Variants in AGTR1 observed in about 807,000 individuals in gnomAD.
The protein encoded by AGTR1 is type-1 angiotensin II receptor.
In AGTR1, 16 loss-of-function variants were observed where a neutral mutation model predicts 19.4. That is an observed-to-expected ratio of 0.82 (90% CI 0.56 to 1.25). The LOEUF is 1.25. Ranked by LOEUF, AGTR1 falls within the 50% of genes most tolerant of loss-of-function variation. The pLI, the probability that AGTR1 is intolerant of heterozygous loss-of-function variation, is 0.00. For missense variants in AGTR1, 373 were observed against 431.9 expected (o/e 0.86, Z 1.21); for synonymous variants, 153 against 154.9 (o/e 0.99, Z 0.09).
chr3:148,725,347 T>A (rs992064050), intron 2 of AGTR1, among the ~76,000 whole-genome samples: 1 of 152,200 alleles, frequency 6.6e-6, no homozygotes, highest in Non-Finnish European at 1.5e-5. Flanking sequence ...TTCTTTAAAT[T>A]GCTTTATGGG....
rs1477353415 is a variant in AGTR1, at chr3:148,742,114, G to A, written c.1079G>A (p.Ter360=). 4 of 1,613,978 alleles carry A rather than the reference G, an allele frequency of 2.5e-6. No homozygotes were observed. Among genetic ancestry groups the A allele is most frequent in the Non-Finnish European group, 3.4e-6 (4 of 1,179,988 alleles). ...CCTGCACCATGTTTTGAGGTTGAGT[G>A]ACATGTTCGAAACCTGTCCATAAAG... The part of the protein sequence containing the change: ...KKPAPCFEVE[*] Residue 360 remains the stop codon, a stop_retained_variant, in exon 3 of 3, where the codon TGA becomes TAA. Coordinates refer to ENST00000349243, the MANE Select transcript of AGTR1 (RefSeq NM_000685.5).
intron 2 of AGTR1, among the ~76,000 whole-genome samples, chr3:148,737,702 ATTC>A (rs1288066840): frequency 6.6e-6 from 1 of 152,050 alleles, no homozygotes; most frequent in East Asian, 1.9e-4. Context: ...ATCGCCTAAA[ATTC>A]TTCTCCCTTT....
Position 148,741,159 on chromosome 3 carries a change from G to A in AGTR1, c.124G>A (p.Gly42Arg), listed in dbSNP as rs374930715. 3 of 1,614,092 alleles carry A rather than the reference G, an allele frequency of 1.9e-6. No individual in the cohort carries two copies. Among genetic ancestry groups the A allele is most frequent in the Non-Finnish European group, 2.5e-6 (3 of 1,180,006 alleles). Residue 42 changes from glycine to arginine, a missense_variant, in exon 3 of 3, where the codon GGA becomes AGA. Physicochemically the swap from Gly to Arg is moderately radical, Grantham distance 125. Coordinates refer to ENST00000349243, the MANE Select transcript of AGTR1 (RefSeq NM_000685.5). Reference protein sequence around the residue: ...PTLYSIIFVVGIFGNSLVVIV... With the variant: ...PTLYSIIFVVRIFGNSLVVIV... Reference sequence around the variant, plus strand: ...TTTATACAGTATCATCTTTGTGGTGGGAATATTTGGAAACAGCTTGGTGGT... The same window carrying A: ...TTTATACAGTATCATCTTTGTGGTGAGAATATTTGGAAACAGCTTGGTGGT...
At chr3:148,740,316 G>T (rs1420684652) in intron 2 of AGTR1, among the ~76,000 whole-genome samples, 2 of 152,202 alleles carry the variant, frequency 1.3e-5, no homozygotes. Flanking sequence ...ACTTTTGCTA[G>T]ACTGAATTGG....
At chr3:148,722,974 C>T (rs367727527) in intron 2 of AGTR1, among the ~76,000 whole-genome samples, 4 of 152,168 alleles carry the variant, frequency 2.6e-5, no homozygotes, top group African/African-American at 9.7e-5. Flanking sequence ...GAAATATGCT[C>T]ATGAGAATTA....
chr3:148,729,417 A>G (rs1439475179), intron 2 of AGTR1, among the ~76,000 whole-genome samples: 2 of 152,234 alleles, frequency 1.3e-5, no homozygotes, highest in Non-Finnish European at 2.9e-5. Context: ...AACAACCAGA[A>G]GGCAAAAACT....
At chr3:148,706,170 T>G (rs911381891) in intron 1 of AGTR1, among the ~76,000 whole-genome samples, 1 of 152,042 alleles carries the variant, frequency 6.6e-6, no homozygotes, top group Non-Finnish European at 1.5e-5. Flanking sequence ...CAACTACTAT[T>G]AACTCTCTGG....
At chr3:148,739,202 T>TA (rs1207109166) in intron 2 of AGTR1, among the ~76,000 whole-genome samples, 1 of 151,802 alleles carries the variant, frequency 6.6e-6, no homozygotes, top group African/African-American at 2.4e-5. Context: ...CTACTAAAAA[T>TA]AAAAAAATTA....
intron 1 of AGTR1, among the ~76,000 whole-genome samples, chr3:148,701,358 A>C (rs1244129550): frequency 4.6e-5 from 7 of 152,204 alleles, no homozygotes; most frequent in Non-Finnish European, 8.8e-5. Context: ...AATATTTGCT[A>C]TGGGATTTTT....
Position 148,714,412 on chromosome 3 carries a change from G to A in AGTR1, c.-48+6385G>A, listed in dbSNP as rs184491084. On this transcript the variant is annotated intron_variant, in intron 2 of 2. Coordinates refer to ENST00000349243, the MANE Select transcript of AGTR1 (RefSeq NM_000685.5). ...CTGGGAGAAGATCGCTCCAGGCAGA[G>A]GGTAGAGCAAATGCAAATTCCTTGA... 3.4e-4 allele frequency among the ~76,000 whole-genome samples: 51 copies of A among 152,220 alleles called. No individual in the cohort carries two copies. In the East Asian group the frequency reaches 6.6e-3, roughly 20 times the overall value.
At chr3:148,717,912 C>T (rs780298933) in intron 2 of AGTR1, among the ~76,000 whole-genome samples, 1 of 152,182 alleles carries the variant, frequency 6.6e-6, no homozygotes, top group Non-Finnish European at 1.5e-5. Context: ...CTATATAAAA[C>T]ACTAGGCAAT....
intron 2 of AGTR1, among the ~76,000 whole-genome samples, chr3:148,738,215 A>G (rs931430946): frequency 6.6e-6 from 1 of 152,084 alleles, no homozygotes; most frequent in African/African-American, 2.4e-5. Flanking sequence ...CACCCAAGGG[A>G]TTCTAGAGCG....
At chr3:148,703,779 T>A (rs2107926036) in intron 1 of AGTR1, among the ~76,000 whole-genome samples, 1 of 152,204 alleles carries the variant, frequency 6.6e-6, no homozygotes, top group South Asian at 2.1e-4. Flanking sequence ...TATTTGAAAA[T>A]TTATTTAAAG....
Position 148,741,048 on chromosome 3 carries a change from T to C in AGTR1, c.13T>C (p.Ser5Pro). MILN[S>P]STEDGIKRIQ... ...CCAGGTGATCAAAATGATTCTCAACTCTTCTACTGAAGATGGTATTAAAAG... is the reference window on the plus strand; with the variant it reads ...CCAGGTGATCAAAATGATTCTCAACCCTTCTACTGAAGATGGTATTAAAAG... Residue 5 changes from serine to proline, a missense_variant, in exon 3 of 3, where the codon TCT (serine) becomes CCT (proline). Transcript: ENST00000349243. 1.2e-6 allele frequency: 2 copies of C among 1,613,832 alleles called. No homozygotes were observed. Among genetic ancestry groups the C allele is most frequent in the Non-Finnish European group, 1.7e-6 (2 of 1,179,796 alleles).
chr3:148,721,229 G>A (rs947139694), intron 2 of AGTR1, among the ~76,000 whole-genome samples: 1 of 152,142 alleles, frequency 6.6e-6, no homozygotes, highest in African/African-American at 2.4e-5. Context: ...TTTGGTAAAA[G>A]CCCACTCTCA....
intron 2 of AGTR1, among the ~76,000 whole-genome samples, chr3:148,714,287 A>G (rs988173068): frequency 2.0e-5 from 3 of 152,172 alleles, no homozygotes; most frequent in Non-Finnish European, 4.4e-5. Flanking sequence ...AATATGTTGG[A>G]TGGCATGGAA....
intron 2 of AGTR1, among the ~76,000 whole-genome samples, chr3:148,719,068 T>C (rs145992142): frequency 2.0e-5 from 3 of 152,342 alleles, no homozygotes; most frequent in African/African-American, 7.2e-5. Context: ...CCTGGTGTTA[T>C]GTCTTGAGAT....
intron 2 of AGTR1, among the ~76,000 whole-genome samples, chr3:148,737,077 C>T (rs974337277): frequency 6.6e-6 from 1 of 152,168 alleles, no homozygotes; most frequent in Admixed American, 6.5e-5. Context: ...AAAGTAACTG[C>T]CAATCACAAA....
chr3:148,718,313 A>G (rs1164249308), intron 2 of AGTR1, among the ~76,000 whole-genome samples: 2 of 152,192 alleles, frequency 1.3e-5, no homozygotes, highest in Non-Finnish European at 2.9e-5. Flanking sequence ...CAACCATTCT[A>G]CTTAAATATG....
Sources: gnomAD v4.1 joint callset for allele counts (sites outside exome capture counted in the v4.1 genomes callset) on GRCh38, gnomAD v4.1.1 for gene constraint, MANE v1.5 for transcripts, NCBI Gene and HGNC (gene_info 2026-07-23, HGNC 2026-07-21) for gene names.